The following DPP6 variants were observed in gnomAD, a reference collection of about 807,000 sequenced individuals.
DPP6 encodes dipeptidyl peptidase like 6.
DPP6 carries 69 observed loss-of-function variants against 122.6 expected under a neutral mutation model. That is an observed-to-expected ratio of 0.56 (90% CI 0.46 to 0.69). DPP6 has a LOEUF of 0.69. Among genes scored for constraint, DPP6 ranks in the 30% least tolerant of loss-of-function variants. The pLI is 0.00. For synonymous variants in DPP6, 418 were observed against 433.1 expected (o/e 0.97, Z 0.43); for missense variants, 928 against 1,116.9 (o/e 0.83, Z 2.41).
At chr7:154,790,951 C>A (rs58249205) in intron 10 of DPP6, among the ~76,000 whole-genome samples, 6 of 151,892 alleles carry the variant, frequency 4.0e-5, no homozygotes, top group Admixed American at 2.0e-4. Flanking sequence ...TCTCACACTG[C>A]TAATAAACAC....
the DPP6 span, among the ~76,000 whole-genome samples, chr7:153,832,451 T>A: frequency 2.6e-5 from 4 of 152,370 alleles, no homozygotes; most frequent in East Asian, 7.7e-4. Flanking sequence ...CTGAGTCTGA[T>A]GATACAGATG....
intron 1 of DPP6, among the ~76,000 whole-genome samples, chr7:154,280,831 A>G (rs1433066899): frequency 1.3e-5 from 2 of 152,102 alleles, no homozygotes; most frequent in Non-Finnish European, 2.9e-5. Context: ...AAATATTAAC[A>G]TATGCAATTA....
chr7:154,728,269 C>T (rs1051620836), intron 8 of DPP6, among the ~76,000 whole-genome samples: 4 of 152,222 alleles, frequency 2.6e-5, no homozygotes, highest in African/African-American at 9.6e-5. Flanking sequence ...CACTCCAAGA[C>T]ATAAGTGCCT....
At chr7:153,916,092 G>A (rs79828179) in intron 1 of DPP6, among the ~76,000 whole-genome samples, 7 of 150,642 alleles carry the variant, frequency 4.6e-5, no homozygotes, top group South Asian at 4.2e-4. Flanking sequence ...TCAGCCTCCC[G>A]AGTAGCTGGG....
At chr7:154,372,364 C>A (rs1056468822) in intron 1 of DPP6, among the ~76,000 whole-genome samples, 3 of 152,162 alleles carry the variant, frequency 2.0e-5, no homozygotes, top group Admixed American at 2.0e-4. Context: ...ACAAGGCAAG[C>A]ACATGGCCAT....
rs1489811189 is a variant in DPP6, at chr7:153,920,561, C to CTTTTTTT, written c.51+32828_51+32829insTTTTTTT. Among the ~76,000 whole-genome samples, 125 of 62,410 alleles carry CTTTTTTT rather than the reference C, an allele frequency of 2.0e-3. 3 individuals are homozygous for CTTTTTTT. The highest frequency in any genetic ancestry group is 4.7e-3 in the East Asian group (12 of 2,544). 40.9% of individuals were successfully genotyped at this position (62,410 alleles called of 152,430 possible). ...TAGTCAACCTTTTTCTTTTATCTCT[C>CTTTTTTT]TCTTTTTTTTTTTTTTTTTGAGATG... On this transcript the variant is annotated intron_variant, in intron 1 of 25. Coordinates refer to the DPP6 transcript ENST00000404039.
At chr7:153,909,052 C>G (rs1442566637) in intron 1 of DPP6, among the ~76,000 whole-genome samples, 1 of 152,142 alleles carries the variant, frequency 6.6e-6, no homozygotes, top group African/African-American at 2.4e-5. Context: ...GTGCTCAGCC[C>G]TAAATTTACT....
chr7:154,324,285 T>C (rs1303415600), intron 1 of DPP6, among the ~76,000 whole-genome samples: 1 of 152,226 alleles, frequency 6.6e-6, no homozygotes, highest in Non-Finnish European at 1.5e-5. Flanking sequence ...TACCCTTTGT[T>C]CTGTTCCATT....
At chr7:154,102,299 C>T (rs1196567575) in intron 1 of DPP6, among the ~76,000 whole-genome samples, 1 of 152,152 alleles carries the variant, frequency 6.6e-6, no homozygotes, top group Non-Finnish European at 1.5e-5. Context: ...AAGCGATTCT[C>T]CCGCCTCAGC....
chr7:153,967,483 C>G (rs1795809180), intron 1 of DPP6, among the ~76,000 whole-genome samples: 1 of 152,166 alleles, frequency 6.6e-6, no homozygotes, highest in Non-Finnish European at 1.5e-5. Flanking sequence ...GTAGAATTAC[C>G]AAGCCTGCCT....
chr7:154,625,547 A>C (rs1835011168), intron 5 of DPP6, among the ~76,000 whole-genome samples: 1 of 152,228 alleles, frequency 6.6e-6, no homozygotes, highest in Non-Finnish European at 1.5e-5. Context: ...GATGTCCTCC[A>C]TTCCCTTAGT....
chr7:154,778,988 C>CCATT (rs1796794716), intron 10 of DPP6, among the ~76,000 whole-genome samples: 1 of 150,334 alleles, frequency 6.7e-6, no homozygotes, highest in Non-Finnish European at 1.5e-5. Flanking sequence ...TCACCTCCAT[C>CCATT]ACCTCCACAA....
chr7:154,653,526 T>C (rs559753354), intron 6 of DPP6, among the ~76,000 whole-genome samples: 2 of 152,144 alleles, frequency 1.3e-5, no homozygotes, highest in South Asian at 4.1e-4. Flanking sequence ...AATAGGTAGA[T>C]AGATAAATGA....
the DPP6 span, among the ~76,000 whole-genome samples, chr7:153,780,762 G>C: frequency 6.6e-6 from 1 of 152,122 alleles, no homozygotes; most frequent in Non-Finnish European, 1.5e-5. Flanking sequence ...AGTTAGTCCA[G>C]AAGGAAATGT....
At chr7:154,478,992 C>T (rs1162477395) in intron 3 of DPP6, among the ~76,000 whole-genome samples, 2 of 151,998 alleles carry the variant, frequency 1.3e-5, no homozygotes, top group Non-Finnish European at 2.9e-5. Flanking sequence ...ACATTAACTG[C>T]TGAAGTTAAC....
chr7:154,504,231 G>C (rs1825489732), intron 3 of DPP6, among the ~76,000 whole-genome samples: 2 of 152,124 alleles, frequency 1.3e-5, no homozygotes, highest in African/African-American at 4.8e-5. Context: ...TTGATGGCGA[G>C]GCTGGCATTT....
intron 1 of DPP6, among the ~76,000 whole-genome samples, chr7:154,234,712 A>G (rs1173487790): frequency 6.6e-6 from 1 of 152,150 alleles, no homozygotes; most frequent in Non-Finnish European, 1.5e-5. Context: ...GAGTTTTCTC[A>G]TTTATGAAAT....
chr7:153,928,365 C>T (rs1801004011), intron 1 of DPP6, among the ~76,000 whole-genome samples: 1 of 126,734 alleles, frequency 7.9e-6, no homozygotes. Flanking sequence ...GCGTGCACCA[C>T]CATACCTGGC....
At chr7:154,183,783 T>C (rs1798215776) in intron 1 of DPP6, among the ~76,000 whole-genome samples, 1 of 152,182 alleles carries the variant, frequency 6.6e-6, no homozygotes, top group African/African-American at 2.4e-5. Flanking sequence ...CACACTTTCA[T>C]ACCCTAGAGC....
Sources: allele counts gnomAD v4.1 joint callset (sites outside exome capture counted in the v4.1 genomes callset), GRCh38; gene constraint gnomAD v4.1.1; transcripts MANE v1.5; gene names NCBI Gene and HGNC (gene_info 2026-07-23, HGNC 2026-07-21).